VAV3: variants seen among roughly 807,000 people sequenced by gnomAD.
VAV3 encodes vav guanine nucleotide exchange factor 3.
In VAV3, 94 loss-of-function variants were observed where a neutral mutation model predicts 131.2. The ratio of observed to expected loss-of-function variants is 0.72; its 90% CI spans 0.61 to 0.85. The LOEUF (loss-of-function observed/expected upper bound fraction) is 0.85. Ranked by LOEUF, VAV3 falls within the 40% of genes least tolerant of loss-of-function variation. VAV3 has a pLI of 0.00. For missense variants in VAV3, 939 were observed against 1,002.7 expected (o/e 0.94, Z 0.86); for synonymous variants, 349 against 342.0 (o/e 1.02, Z -0.22).
At chr1:107,785,655 G>A (rs1665940111) in intron 2 of VAV3, 1 of 1,117,014 alleles carries the variant, frequency 9.0e-7, no homozygotes, top group African/African-American at 1.7e-5. Flanking sequence ...GTGGGGTTGT[G>A]GAGAAAAACT....
In VAV3 at chr1:107,708,330, G is replaced by A. The variant is rs77455034; in HGVS notation, c.1503-3269C>T. On this transcript the variant is annotated intron_variant, in intron 15 of 26. Transcript: ENST00000370056. ...GAGTGTCAAACAGATTAGTTAACTC[G>A]CTCAGTCATGCTGATACACATAAAG... Among the ~76,000 whole-genome samples the A allele has an allele frequency of 5.6e-3, 856 of 152,258 alleles. 10 individuals are homozygous for A. Among genetic ancestry groups the A allele is most frequent in the African/African-American group, 0.018 (751 of 41,552 alleles).
chr1:107,785,133 C>T (rs190928034), intron 2 of VAV3, among the ~76,000 whole-genome samples: 17 of 152,268 alleles, frequency 1.1e-4, no homozygotes, highest in Admixed American at 3.9e-4. Flanking sequence ...ATGAGACATT[C>T]GGGCAAATGT....
At chr1:107,808,497 T>C (rs997309670) in intron 2 of VAV3, among the ~76,000 whole-genome samples, 9 of 152,210 alleles carry the variant, frequency 5.9e-5, no homozygotes, top group Non-Finnish European at 1.3e-4. Flanking sequence ...AAGGAAATTT[T>C]ATAGTATAAA....
At chr1:107,944,163 T>C (rs1674134755) in intron 1 of VAV3, among the ~76,000 whole-genome samples, 6 of 152,262 alleles carry the variant, frequency 3.9e-5, no homozygotes, top group Admixed American at 3.9e-4. Context: ...TAGGTGTTTT[T>C]ATTAACAAAA....
At chr1:107,713,373 AAC>A (rs1282697993) in intron 15 of VAV3, among the ~76,000 whole-genome samples, 2 of 152,086 alleles carry the variant, frequency 1.3e-5, no homozygotes, top group African/African-American at 4.8e-5. Context: ...AAATAAAAAA[AAC>A]ACATAAAAAA....
intron 25 of VAV3, among the ~76,000 whole-genome samples, chr1:107,582,875 G>A (rs897191391): frequency 1.9e-4 from 29 of 151,982 alleles, no homozygotes; most frequent in Non-Finnish European, 3.5e-4. Context: ...ATAAACATAC[G>A]TGTGCATGTG....
chr1:107,816,084 C>G (rs1667548777), intron 2 of VAV3, among the ~76,000 whole-genome samples: 1 of 152,170 alleles, frequency 6.6e-6, no homozygotes, highest in South Asian at 2.1e-4. Context: ...TCATCCACCC[C>G]TCACCTCCTG....
At chr1:107,633,022 T>C (rs4609458) in intron 20 of VAV3, among the ~76,000 whole-genome samples, 58,111 of 152,026 alleles carry the variant, frequency 0.38, 11,604 homozygotes, top group East Asian at 0.48. Context: ...GAGGCAGTAG[T>C]ATTTAGTAAA....
intron 1 of VAV3, among the ~76,000 whole-genome samples, chr1:107,887,237 C>A (rs1671078727): frequency 1.3e-5 from 2 of 152,238 alleles, no homozygotes; most frequent in African/African-American, 4.8e-5. Context: ...GGCAGACACA[C>A]TTCAGTCAAA....
intron 1 of VAV3, among the ~76,000 whole-genome samples, chr1:107,961,957 G>A (rs960873259): frequency 6.6e-6 from 1 of 152,128 alleles, no homozygotes; most frequent in Non-Finnish European, 1.5e-5. Flanking sequence ...ATTTTAAAAG[G>A]CTGGTCATTT....
Position 107,798,718 on chromosome 1 carries a change from C to CA in VAV3, c.322-19227dup, listed in dbSNP as rs57288177. On this transcript the variant is annotated intron_variant, in intron 2 of 26. Transcript: ENST00000370056. ...TGGGCAACATAGCAAGACTCCCTCT[C>CA]AAAAAAAAAAAAAAAAAAAAAAAAA... is the stretch of plus-strand genomic sequence containing the variant. 9.6e-3 allele frequency among the ~76,000 whole-genome samples: 477 copies of CA among 49,506 alleles called. 23 individuals are homozygous for CA. The highest frequency in any genetic ancestry group is 0.012 in the Non-Finnish European group (339 of 29,136). 32.5% of individuals were successfully genotyped at this position (49,506 alleles called of 152,430 possible). A position where few individuals can be genotyped will look rare whatever the true frequency, so the allele number is the denominator to read the frequency against.
chr1:107,835,944 C>T (rs1352127702), intron 2 of VAV3, among the ~76,000 whole-genome samples: 1 of 152,226 alleles, frequency 6.6e-6, no homozygotes, highest in Non-Finnish European at 1.5e-5. Context: ...AGGGGAAGCA[C>T]AGCCCATTAG....
intron 2 of VAV3, among the ~76,000 whole-genome samples, chr1:107,813,050 G>A (rs1433816760): frequency 6.6e-6 from 1 of 151,698 alleles, no homozygotes; most frequent in African/African-American, 2.4e-5. Context: ...ATGAACCCAG[G>A]AGGCAGAGCT....
At chr1:107,669,405 T>C (rs1247839611) in intron 19 of VAV3, 1 of 1,289,772 alleles carries the variant, frequency 7.8e-7, no homozygotes, top group Non-Finnish European at 1.0e-6. Context: ...TGTTCTTCTT[T>C]TGGCTTTTTA....
chr1:107,624,374 CTGTGTGTGTGTGTGTG>C (rs59476510), intron 20 of VAV3, among the ~76,000 whole-genome samples: 1 of 143,238 alleles, frequency 7.0e-6, no homozygotes, highest in African/African-American at 2.6e-5. Flanking sequence ...AGTCTTATGA[CTGTGTGTGTGTGTGTG>C]TGTGTGTGTG....
intron 15 of VAV3, among the ~76,000 whole-genome samples, chr1:107,740,813 G>A (rs1005289383): frequency 6.6e-6 from 1 of 152,168 alleles, no homozygotes; most frequent in Non-Finnish European, 1.5e-5. Flanking sequence ...TCATTTATGT[G>A]AATCTATGGC....
At chr1:107,633,952 T>C (rs1251680229) in intron 20 of VAV3, among the ~76,000 whole-genome samples, 1 of 152,020 alleles carries the variant, frequency 6.6e-6, no homozygotes, top group East Asian at 1.9e-4. Flanking sequence ...AGAACCACCT[T>C]ATCACCCATA....
At chr1:107,665,127 G>C (rs1284935308) in intron 19 of VAV3, among the ~76,000 whole-genome samples, 2 of 152,158 alleles carry the variant, frequency 1.3e-5, no homozygotes, top group Non-Finnish European at 2.9e-5. Flanking sequence ...TGATAGTCTG[G>C]AGGAGTCAAT....
chr1:107,778,905 A>T (rs1665525212), intron 3 of VAV3, among the ~76,000 whole-genome samples: 1 of 152,204 alleles, frequency 6.6e-6, no homozygotes, highest in Admixed American at 6.5e-5. Flanking sequence ...TATCAACTGC[A>T]TAATACTCTA....
Sources: allele counts gnomAD v4.1 joint callset (sites outside exome capture counted in the v4.1 genomes callset), GRCh38; gene constraint gnomAD v4.1.1; transcripts MANE v1.5; gene names NCBI Gene and HGNC (gene_info 2026-07-23, HGNC 2026-07-21).